The following TMEM35B variants were observed in gnomAD, a reference collection of about 807,000 sequenced individuals.
TMEM35B encodes the protein ZMYM6 neighbor protein.
In TMEM35B, 6 loss-of-function variants were observed where a neutral mutation model predicts 8.7. The ratio of observed to expected loss-of-function variants is 0.69; its 90% CI spans 0.38 to 1.36. The LOEUF (loss-of-function observed/expected upper bound fraction) is 1.36, where lower values mean the gene tolerates loss of function less well. Ranked by LOEUF, TMEM35B falls within the 40% of genes most tolerant of loss-of-function variation. The pLI is 0.02. For missense variants in TMEM35B, 176 were observed against 181.6 expected (o/e 0.97, Z 0.18); for synonymous variants, 89 against 87.0 (o/e 1.02, Z -0.13).
intron 2 of TMEM35B, among the ~76,000 whole-genome samples, chr1:34,983,300 C>A (rs1228977466): frequency 6.6e-6 from 1 of 152,034 alleles, no homozygotes; most frequent in Non-Finnish European, 1.5e-5. Flanking sequence ...TGTGCTAGGC[C>A]GGGCATAGTG....
At chr1:34,983,688 C>T (rs1303306719) in intron 2 of TMEM35B, 79 bp downstream of exon 2, 1 of 1,243,696 alleles carries the variant, frequency 8.0e-7, no homozygotes, top group Non-Finnish European at 1.0e-6. Context: ...AGGGTGGCAA[C>T]AGTAAGGGGG....
chr1:34,985,076 C>T (rs1375687006), intron 1 of TMEM35B, 122 bp downstream of exon 1: 7 of 712,758 alleles, frequency 9.8e-6, no homozygotes, highest in Non-Finnish European at 1.5e-5. Flanking sequence ...AGGCGCTTTC[C>T]CCCAGCTCCA....
intron 2 of TMEM35B, among the ~76,000 whole-genome samples, chr1:34,983,265 T>C (rs1640525849): frequency 6.6e-6 from 1 of 152,146 alleles, no homozygotes; most frequent in Admixed American, 6.5e-5. Context: ...GATAATGTTC[T>C]AGCACATTAA....
At chr1:34,983,921 C>A in exon 2 of TMEM35B, 1 of 1,524,448 alleles carries the variant, frequency 6.6e-7, no homozygotes, top group Non-Finnish European at 8.8e-7. Context: ...GCGGGAACAC[C>A]TCAGCAAACT....
intron 1 of TMEM35B, 149 bp from the exon 2 acceptor site, chr1:34,984,096 A>G: frequency 1.4e-6 from 1 of 714,940 alleles, no homozygotes; most frequent in Non-Finnish European, 2.0e-6. Flanking sequence ...GGTCAGCCTG[A>G]AGAGGAGAGG....
intron 1 of TMEM35B, among the ~76,000 whole-genome samples, chr1:34,984,521 C>G (rs1248895328): frequency 6.6e-6 from 1 of 152,172 alleles, no homozygotes; most frequent in Non-Finnish European, 1.5e-5. Context: ...GGGATTTATC[C>G]AGGCCTTGGA....
chr1:34,981,992 T>A, exon 3 of TMEM35B: 1 of 1,550,202 alleles, frequency 6.5e-7, no homozygotes, highest in Non-Finnish European at 8.7e-7. Context: ...TCCTAGTGGG[T>A]CTGACCACCT....
intron 1 of TMEM35B, among the ~76,000 whole-genome samples, chr1:34,984,997 T>C (rs938698705): frequency 2.0e-5 from 3 of 151,124 alleles, no homozygotes; most frequent in Admixed American, 2.0e-4. Flanking sequence ...TTCTGTCCCC[T>C]TCCGTCTAGG....
intron 2 of TMEM35B, 126 bp from the exon 3 acceptor site, chr1:34,982,245 C>G: frequency 1.4e-6 from 1 of 713,512 alleles, no homozygotes; most frequent in South Asian, 2.3e-5. Context: ...CCCACCACTC[C>G]TAACGCACAT....
chr1:34,983,552 C>T (rs1470154432), intron 2 of TMEM35B, among the ~76,000 whole-genome samples: 2 of 124,964 alleles, frequency 1.6e-5, no homozygotes, highest in Non-Finnish European at 3.1e-5. Context: ...GCAGTCCAGC[C>T]TGGGCGAAAG....
chr1:34,982,400 C>T (rs1203611749), intron 2 of TMEM35B, among the ~76,000 whole-genome samples: 3 of 150,452 alleles, frequency 2.0e-5, no homozygotes, highest in Non-Finnish European at 4.4e-5. Flanking sequence ...CCAAATAGGG[C>T]AGTGGCTAGA....
chr1:34,981,926 TAAAG>T, exon 3 of TMEM35B: 1 of 1,514,604 alleles, frequency 6.6e-7, no homozygotes, highest in Non-Finnish European at 8.9e-7. Flanking sequence ...CTGCATGGCA[TAAAG>T]AGACAGAGAT....
In TMEM35B at chr1:34,985,180, C is replaced by T. The variant is rs1184026402; in HGVS notation, c.108+18G>A. ...CCGCCGCGGGCCCGATCCCCTGCCG[C>T]CCGCCCGCGCCGCTCACCATCCGCT... On this transcript the variant is annotated intron_variant, in intron 1 of 2. Coordinates refer to ENST00000373337, the Ensembl canonical transcript of TMEM35B. 9 of 1,526,022 alleles carry T rather than the reference C, an allele frequency of 5.9e-6. No individual in the cohort carries two copies. The highest frequency in any genetic ancestry group is 7.9e-6 in the Non-Finnish European group (9 of 1,137,424). The allele number at this position is 1,526,022 out of a possible 1,614,324, so 94.5% of individuals were successfully genotyped here. A position where few individuals can be genotyped will look rare whatever the true frequency, so the allele number is the denominator to read the frequency against.
intron 2 of TMEM35B, 124 bp downstream of exon 2, chr1:34,983,643 G>C (rs903883400): frequency 5.0e-5 from 29 of 585,558 alleles, no homozygotes; most frequent in Non-Finnish European, 7.9e-6. Flanking sequence ...AACTGTGGTA[G>C]AGCAGAAAGT....
At chr1:34,983,714 C>T in intron 2 of TMEM35B, 53 bp downstream of exon 2, 28 of 1,391,884 alleles carry the variant, frequency 2.0e-5, no homozygotes, top group Non-Finnish European at 2.5e-5. Context: ...CCAGGTCTTT[C>T]CATAATCCTC....
Position 34,983,452 on chromosome 1 carries a change from G to A in TMEM35B, c.289+315C>T, listed in dbSNP as rs562799283. 4.3e-4 allele frequency among the ~76,000 whole-genome samples: 65 copies of A among 151,936 alleles called. No individual in the cohort carries two copies. In the South Asian group the frequency reaches 0.012, roughly 27 times the overall value. ...AAATCAGTCGGGCGCTGTGGCAGGC[G>A]CCTGTAGTCCCAGCTACTCGGGAGG... On this transcript the variant is annotated intron_variant, in intron 2 of 2. Coordinates refer to ENST00000373337, the Ensembl canonical transcript of TMEM35B.
chr1:34,982,116 G>C lies in TMEM35B; in HGVS notation c.293C>G (p.Ala98Gly), dbSNP rs953979186. 1.5e-5 allele frequency: 23 copies of C among 1,543,032 alleles called. No homozygotes were observed. The Admixed American group carries it at 4.6e-4, about 31-fold the overall frequency. Residue 98 changes from alanine to glycine, a missense_variant, in exon 3 of 3, where the codon GCT becomes GGT. Transcript: ENST00000373337. ...TTTCAGAGCTGCCAAGGTGAAGATAGCCCCTGGAATGGAAAGTGAGGTCCC... is the reference window on the plus strand; with the variant it reads ...TTTCAGAGCTGCCAAGGTGAAGATACCCCCTGGAATGGAAAGTGAGGTCCC...
intron 1 of TMEM35B, 47 bp from the exon 2 acceptor site, chr1:34,983,994 T>C (rs1203138636): frequency 1.4e-6 from 2 of 1,411,172 alleles, no homozygotes; most frequent in African/African-American, 1.5e-5. Flanking sequence ...TCAACAAGGA[T>C]GAGCTCCCCA....
intron 1 of TMEM35B, 116 bp from the exon 2 acceptor site, chr1:34,984,063 C>T (rs1310744451): frequency 1.9e-6 from 2 of 1,064,262 alleles, no homozygotes; most frequent in Non-Finnish European, 2.5e-6. Context: ...AGAACTACTA[C>T]TCTAGGTCAG....
Sources: allele counts gnomAD v4.1 joint callset (sites outside exome capture counted in the v4.1 genomes callset), GRCh38; gene constraint gnomAD v4.1.1; transcripts MANE v1.5; gene names NCBI Gene and HGNC (gene_info 2026-07-23, HGNC 2026-07-21).